Variants in PTPRT observed in about 807,000 individuals in gnomAD.
PTPRT encodes the protein receptor-type tyrosine-protein phosphatase T.
PTPRT carries 56 observed loss-of-function variants against 176.8 expected under a neutral mutation model. The ratio of observed to expected loss-of-function variants is 0.32; its 90% CI spans 0.26 to 0.40. The LOEUF is 0.40. PTPRT is among the 10% of genes least tolerant of loss of function. The pLI is 1.00. For synonymous variants in PTPRT, 783 were observed against 739.0 expected (o/e 1.06, Z -0.96); for missense variants, 1,540 against 1,908.2 (o/e 0.81, Z 3.60).
intron 7 of PTPRT, among the ~76,000 whole-genome samples, chr20:42,634,028 T>TTATA (rs1569038528): frequency 2.2e-4 from 6 of 27,744 alleles, no homozygotes; most frequent in African/African-American, 1.2e-3. Context: ...ATATAATATA[T>TTATA]ATATTATATA....
intron 2 of PTPRT, among the ~76,000 whole-genome samples, chr20:42,802,044 T>A (rs2077538338): frequency 6.6e-6 from 1 of 152,200 alleles, no homozygotes; most frequent in Non-Finnish European, 1.5e-5. Flanking sequence ...CAGTATCATT[T>A]CCCTCTGAAA....
intron 4 of PTPRT, among the ~76,000 whole-genome samples, chr20:42,773,758 G>C (rs1364063249): frequency 6.6e-6 from 1 of 152,214 alleles, no homozygotes; most frequent in African/African-American, 2.4e-5. Context: ...TTGGAAGCCT[G>C]TTCATGCCAC....
intron 9 of PTPRT, among the ~76,000 whole-genome samples, chr20:42,394,897 A>C (rs1032112807): frequency 1.3e-5 from 2 of 152,230 alleles, no homozygotes; most frequent in Non-Finnish European, 2.9e-5. Context: ...AAGGTGATAT[A>C]AATGTAATAT....
chr20:42,883,723 CAT>C (rs2079048409), intron 2 of PTPRT, among the ~76,000 whole-genome samples: 1 of 4,374 alleles, frequency 2.3e-4, no homozygotes. Flanking sequence ...CACACACACC[CAT>C]ACACCCCCAT....
At chr20:42,387,541 A>G (rs2058756315) in intron 9 of PTPRT, among the ~76,000 whole-genome samples, 1 of 152,094 alleles carries the variant, frequency 6.6e-6, no homozygotes, top group African/African-American at 2.4e-5. Context: ...GTTTTGTGTT[A>G]TTATTTGAAA....
intron 9 of PTPRT, among the ~76,000 whole-genome samples, chr20:42,398,171 T>C (rs1243203736): frequency 2.0e-5 from 3 of 152,210 alleles, no homozygotes; most frequent in African/African-American, 7.2e-5. Context: ...AAAAAATACA[T>C]ACATGAGAGG....
intron 30 of PTPRT, among the ~76,000 whole-genome samples, 199 bp from the exon 31 acceptor site, chr20:42,081,131 C>T (rs1983284619): frequency 6.6e-6 from 1 of 152,196 alleles, no homozygotes; most frequent in African/African-American, 2.4e-5. Context: ...ACCCAAGCTT[C>T]CTCGAATGCC....
intron 12 of PTPRT, among the ~76,000 whole-genome samples, chr20:42,293,842 T>C (rs1199239512): frequency 6.6e-6 from 1 of 152,220 alleles, no homozygotes; most frequent in Admixed American, 6.5e-5. Flanking sequence ...TTGATTTTTC[T>C]AGATATGTGA....
chr20:42,562,967 T>C (rs2072977489), intron 7 of PTPRT, among the ~76,000 whole-genome samples: 2 of 152,160 alleles, frequency 1.3e-5, no homozygotes, highest in African/African-American at 2.4e-5. Flanking sequence ...ATAAAAGTGC[T>C]AGAAGAAAAT....
chr20:42,106,345 C>T (rs1248971593), intron 24 of PTPRT, among the ~76,000 whole-genome samples: 1 of 152,186 alleles, frequency 6.6e-6, no homozygotes, highest in African/African-American at 2.4e-5. Flanking sequence ...TGCCCAGCAC[C>T]CAGCTTAAGT....
Position 42,726,124 on chromosome 20 carries a change from G to A in PTPRT, c.859+30338C>T, listed in dbSNP as rs2076377445. Among the ~76,000 whole-genome samples, 13 of 150,748 alleles carry A rather than the reference G, an allele frequency of 8.6e-5. 1 individual carries two copies. In the South Asian group the frequency reaches 2.7e-3, roughly 32 times the overall value. ...GACTGAGTTTTGCTGTTTTTGCCCA[G>A]GCTGGAGTGTAATGGCATGATCTTG... On this transcript the variant is annotated intron_variant, in intron 6 of 30. Transcript: ENST00000373187.
chr20:42,578,525 A>G (rs1291130549), intron 7 of PTPRT, among the ~76,000 whole-genome samples: 3 of 152,078 alleles, frequency 2.0e-5, no homozygotes, highest in Non-Finnish European at 2.9e-5. Context: ...CTTCCCCAAT[A>G]AACCTGCTCC....
chr20:42,060,558 A>C, the PTPRT span, among the ~76,000 whole-genome samples: 1 of 152,286 alleles, frequency 6.6e-6, no homozygotes, highest in East Asian at 1.9e-4. Context: ...ACAGTGAATA[A>C]GTCTTACAAG....
At chr20:42,829,100 T>C (rs1388253079) in intron 2 of PTPRT, among the ~76,000 whole-genome samples, 2 of 152,176 alleles carry the variant, frequency 1.3e-5, no homozygotes, top group Non-Finnish European at 2.9e-5. Flanking sequence ...GGGACCAAGC[T>C]GCCCAAGGCC....
intron 2 of PTPRT, among the ~76,000 whole-genome samples, chr20:42,876,158 C>T (rs1054557067): frequency 6.6e-6 from 1 of 151,952 alleles, no homozygotes; most frequent in African/African-American, 2.4e-5. Flanking sequence ...TATGTTCAAA[C>T]TCAGCATTTT....
Position 42,438,300 on chromosome 20 carries a change from C to A in PTPRT, c.1560+9920G>T, listed in dbSNP as rs147986445. Among the ~76,000 whole-genome samples the A allele has an allele frequency of 4.5e-3, 683 of 152,288 alleles. 7 individuals carry two copies. The highest frequency in any genetic ancestry group is 0.015 in the African/African-American group (638 of 41,550). ...ACTTTTGTTTTAATCCAACATTTTT[C>A]TTTAGCAAAACTCTGGAGACAAATT... On this transcript the variant is annotated intron_variant, in intron 9 of 30. Transcript: ENST00000373187.
At chr20:42,615,043 G>A (rs1325320473) in intron 7 of PTPRT, among the ~76,000 whole-genome samples, 5 of 136,664 alleles carry the variant, frequency 3.7e-5, no homozygotes, top group Admixed American at 7.3e-5. Context: ...CCACTAACTC[G>A]TCATCTAGCA....
intron 7 of PTPRT, among the ~76,000 whole-genome samples, chr20:42,632,337 C>G (rs913738683): frequency 1.3e-5 from 2 of 152,142 alleles, no homozygotes; most frequent in Non-Finnish European, 2.9e-5. Context: ...CTCCTGCATT[C>G]CAGCGATTCT....
At chr20:42,420,416 C>T (rs1237815727) in intron 9 of PTPRT, among the ~76,000 whole-genome samples, 3 of 152,192 alleles carry the variant, frequency 2.0e-5, no homozygotes, top group East Asian at 1.9e-4. Flanking sequence ...TGCTTCTTTG[C>T]TCTGATTGCA....
Sources: allele counts gnomAD v4.1 joint callset (sites outside exome capture counted in the v4.1 genomes callset), GRCh38; gene constraint gnomAD v4.1.1; transcripts MANE v1.5; gene names NCBI Gene and HGNC (gene_info 2026-07-23, HGNC 2026-07-21).